The following GULP1 variants were observed in gnomAD, a reference collection of about 807,000 sequenced individuals.
GULP1 encodes the protein PTB domain-containing engulfment adapter protein 1.
Under a neutral mutation model 40.9 loss-of-function variants are expected in GULP1, and 19 were observed. The observed-to-expected ratio is 0.46, with a 90% CI of 0.32 to 0.68. The LOEUF is 0.68. GULP1 is among the 30% of genes least tolerant of loss of function. The pLI is 0.03. For missense variants in GULP1, 312 were observed against 362.2 expected (o/e 0.86, Z 1.12); for synonymous variants, 119 against 117.6 (o/e 1.01, Z -0.08).
chr2:188,456,255 G>A (rs557141792), intron 2 of GULP1, among the ~76,000 whole-genome samples: 1 of 152,290 alleles, frequency 6.6e-6, no homozygotes, highest in South Asian at 2.1e-4. Flanking sequence ...AGACAATGGG[G>A]AAAATGTCTC....
At chr2:188,322,315 G>A (rs760492517) in intron 1 of GULP1, among the ~76,000 whole-genome samples, 1 of 151,464 alleles carries the variant, frequency 6.6e-6, no homozygotes, top group Non-Finnish European at 1.5e-5. Flanking sequence ...TTTTTTTAGG[G>A]GTAGAGGAAG....
At chr2:188,302,953 G>A (rs2036404053) in intron 1 of GULP1, among the ~76,000 whole-genome samples, 1 of 152,222 alleles carries the variant, frequency 6.6e-6, no homozygotes, top group Non-Finnish European at 1.5e-5. Flanking sequence ...AGTATTTGAA[G>A]TTGAGCCTAA....
rs780056302 is a variant in GULP1, at chr2:188,584,240, C to G, written c.610-25C>G. 5.2e-6 allele frequency: 8 copies of G among 1,526,562 alleles called. No homozygotes were observed. In the South Asian group the frequency reaches 9.2e-5, roughly 18 times the overall value. The allele number at this position is 1,526,562 out of a possible 1,614,324, so 94.6% of individuals were successfully genotyped here. On this transcript the variant is annotated intron_variant, in intron 9 of 11. Transcript: ENST00000409830. ...ACAATGTGTCTATATGAAATATTAC[C>G]CTAATTCATTTATTTTCATTGCAGG...
intron 7 of GULP1, among the ~76,000 whole-genome samples, chr2:188,563,925 C>T (rs1034006362): frequency 6.6e-6 from 1 of 151,936 alleles, no homozygotes; most frequent in East Asian, 1.9e-4. Context: ...ATAGATAGTA[C>T]ATTATTACCA....
chr2:188,533,818 A>T (rs1191334898), intron 6 of GULP1, among the ~76,000 whole-genome samples: 1 of 152,214 alleles, frequency 6.6e-6, no homozygotes, highest in Non-Finnish European at 1.5e-5. Flanking sequence ...AAAAGTGGGA[A>T]AAAGAAACAG....
rs117882238 is a variant in GULP1 at position 188,593,285 on chromosome 2, G to A, written c.844-655G>A. On this transcript the variant is annotated intron_variant, in intron 11 of 11. Coordinates refer to ENST00000409830, the MANE Select transcript of GULP1 (RefSeq NM_016315.4). ...ATTATTTTAATTCAAAATCTTGGTG[G>A]AAAAACACTTTCTTAGCAATTGTGT... 478 of 152,062 alleles carry A rather than the reference G, an allele frequency of 3.1e-3. 20 individuals are homozygous for A. The East Asian group carries it at 0.054, about 17-fold the overall frequency. The allele number at this position is 152,062 out of a possible 1,614,324, so 9.4% of individuals were successfully genotyped here.
chr2:188,502,512 G>GTTAAAA (rs2063528927), intron 4 of GULP1, among the ~76,000 whole-genome samples: 1 of 151,726 alleles, frequency 6.6e-6, no homozygotes, highest in Non-Finnish European at 1.5e-5. Context: ...TTACTAAAAG[G>GTTAAAA]TTAAAATTGT....
intron 1 of GULP1, among the ~76,000 whole-genome samples, chr2:188,298,463 A>G (rs2035466592): frequency 6.6e-6 from 1 of 152,124 alleles, no homozygotes; most frequent in Non-Finnish European, 1.5e-5. Context: ...GAAATTACGT[A>G]AATGCAATAT....
intron 1 of GULP1, among the ~76,000 whole-genome samples, chr2:188,328,938 A>G (rs532573819): frequency 2.4e-4 from 36 of 152,182 alleles, no homozygotes; most frequent in Non-Finnish European, 3.8e-4. Flanking sequence ...AGTCAGAAGC[A>G]TCTATGATAC....
intron 7 of GULP1, among the ~76,000 whole-genome samples, chr2:188,563,009 A>C (rs898766119): frequency 6.6e-6 from 1 of 152,168 alleles, no homozygotes; most frequent in African/African-American, 2.4e-5. Flanking sequence ...AATGTATCAA[A>C]ATTTGTAAAG....
At chr2:188,479,213 T>G (rs2061264330) in intron 3 of GULP1, among the ~76,000 whole-genome samples, 1 of 152,068 alleles carries the variant, frequency 6.6e-6, no homozygotes, top group Non-Finnish European at 1.5e-5. Context: ...CAGAGAAGAT[T>G]AATGTATTCA....
At chr2:188,499,189 A>G (rs1341924107) in intron 4 of GULP1, among the ~76,000 whole-genome samples, 1 of 142,974 alleles carries the variant, frequency 7.0e-6, no homozygotes, top group Non-Finnish European at 1.5e-5. Context: ...CATTTACTGT[A>G]TCTTACAGAC....
chr2:188,410,263 G>A (rs2053690688), intron 2 of GULP1, among the ~76,000 whole-genome samples: 3 of 152,036 alleles, frequency 2.0e-5, no homozygotes, highest in African/African-American at 7.2e-5. Flanking sequence ...AGAAAACAAA[G>A]GGGAAAAGCC....
At chr2:188,476,868 G>A (rs2061053746) in intron 2 of GULP1, among the ~76,000 whole-genome samples, 1 of 152,032 alleles carries the variant, frequency 6.6e-6, no homozygotes, top group African/African-American at 2.4e-5. Flanking sequence ...CTGAGTCTCT[G>A]AGGGAATTAC....
At chr2:188,553,777 G>C (rs1694091885) in intron 7 of GULP1, among the ~76,000 whole-genome samples, 1 of 151,996 alleles carries the variant, frequency 6.6e-6, no homozygotes, top group South Asian at 2.1e-4. Context: ...AATCCATCTA[G>C]TCCCGAGCTT....
intron 9 of GULP1, among the ~76,000 whole-genome samples, chr2:188,583,344 C>T (rs1701699601): frequency 6.6e-6 from 1 of 152,072 alleles, no homozygotes; most frequent in Non-Finnish European, 1.5e-5. Context: ...TCTGAGAATT[C>T]TAATTTTAAT....
chr2:188,568,959 TAAAG>T (rs960976939), intron 7 of GULP1, among the ~76,000 whole-genome samples: 6 of 152,110 alleles, frequency 3.9e-5, no homozygotes, highest in African/African-American at 1.4e-4. Context: ...AAGTTTGACA[TAAAG>T]AACTCTTGCT....
chr2:188,372,140 A>G (rs2047683516), intron 1 of GULP1, among the ~76,000 whole-genome samples: 1 of 152,092 alleles, frequency 6.6e-6, no homozygotes, highest in South Asian at 2.1e-4. Context: ...TAACTGTATC[A>G]AGTTGTCTTC....
At chr2:188,394,438 T>A (rs1035654389) in intron 2 of GULP1, among the ~76,000 whole-genome samples, 2 of 151,740 alleles carry the variant, frequency 1.3e-5, no homozygotes, top group African/African-American at 2.4e-5. Flanking sequence ...ATCCTGAATT[T>A]AAAAAAAAAT....
Sources: allele counts gnomAD v4.1 joint callset (sites outside exome capture counted in the v4.1 genomes callset), GRCh38; gene constraint gnomAD v4.1.1; transcripts MANE v1.5; gene names NCBI Gene and HGNC (gene_info 2026-07-23, HGNC 2026-07-21).